The following ISG20 variants were observed in gnomAD, a reference collection of about 807,000 sequenced individuals.
ISG20 encodes the protein interferon-stimulated gene 20 kDa protein.
In ISG20, 8 loss-of-function variants were observed where a neutral mutation model predicts 11.1. The ratio of observed to expected loss-of-function variants is 0.72; its 90% confidence interval spans 0.42 to 1.30. The LOEUF (loss-of-function observed/expected upper bound fraction) is 1.30, where lower values mean the gene tolerates loss of function less well. Among genes scored for constraint, ISG20 ranks in the 50% most tolerant of loss-of-function variants. The probability of loss-of-function intolerance (pLI) is 0.01; values close to 1 mark genes in which losing one functional copy is unlikely to be tolerated. For synonymous variants in ISG20, 110 were observed against 101.7 expected, an observed-to-expected ratio of 1.08 and a Z score of -0.49; for missense variants, 243 against 250.2, an observed-to-expected ratio of 0.97 and a Z score of 0.19.
chr15:88,647,281 A>G (rs982658183), intron 2 of ISG20: 1 of 151,714 alleles, frequency 6.6e-6, no homozygotes, highest in Non-Finnish European at 1.5e-5. Flanking sequence ...ATGTGGCGAC[A>G]TTACTTTTAT....
In ISG20 at chr15:88,639,543, C is replaced by G. The variant is rs1423511424; in HGVS notation, c.177C>G (p.Val59=). ...ATTACAGAACCCGGGTCAGCGGGGT[C>G]ACCCCTCAGCACATGGTGGGGGCCA... ...ITDYRTRVSG[V]TPQHMVGATP... Residue 59 remains valine, a synonymous_variant, in exon 2 of 4, where the codon GTC becomes GTG. Coordinates refer to ENST00000306072, the MANE Select transcript of ISG20 (RefSeq NM_002201.6). This position sits in a 1 kb window ranked among gnomAD's most constrained non-coding sequence, Gnocchi z 4.2. 1 of 1,614,186 alleles carries G rather than the reference C, an allele frequency of 6.2e-7. No homozygotes were observed. The highest frequency in any genetic ancestry group is 8.5e-7 in the Non-Finnish European group (1 of 1,180,042).
intron 2 of ISG20, among the ~76,000 whole-genome samples, chr15:88,644,487 G>A (rs1483931865): frequency 3.4e-5 from 5 of 148,140 alleles, no homozygotes; most frequent in African/African-American, 5.0e-5. Flanking sequence ...AGCTGGGATC[G>A]TGCCACTGCA....
Position 88,641,059 on chromosome 15 carries a change from C to A in ISG20, c.228+1465C>A, listed in dbSNP as rs529339909. Among the ~76,000 whole-genome samples, 14 of 152,024 alleles carry A rather than the reference C, an allele frequency of 9.2e-5. No homozygotes were observed. In the South Asian group the frequency reaches 1.5e-3, roughly 16 times the overall value. ...CCAGGCTGGAGTGCAGTGACATGAT[C>A]TTGGCTCTCTGCAACCTCTGCCTCC... On this transcript the variant is annotated intron_variant, in intron 2 of 3. Transcript: ENST00000306072.
At chr15:88,638,177 G>A (rs1259864739), upstream of ISG20, among the ~76,000 whole-genome samples, 5 of 152,368 alleles carry the variant, frequency 3.3e-5, no homozygotes, top group East Asian at 9.6e-4. Flanking sequence ...TCTGGGGTAG[G>A]AGGCAAGCGT....
chr15:88,644,655 G>A (rs979007239), intron 2 of ISG20, among the ~76,000 whole-genome samples: 1 of 152,002 alleles, frequency 6.6e-6, no homozygotes, highest in Non-Finnish European at 1.5e-5. Flanking sequence ...AGGAAAGGAA[G>A]AAAACGTTTG....
At chr15:88,651,221 C>T (rs2058268314) in intron 2 of ISG20, 2 of 985,408 alleles carry the variant, frequency 2.0e-6, no homozygotes, top group Non-Finnish European at 1.2e-6. Context: ...TAAGCCTGGG[C>T]ATGTCACTCC....
At chr15:88,653,562 C>G (rs1238878464) in intron 3 of ISG20, among the ~76,000 whole-genome samples, 1 of 152,160 alleles carries the variant, frequency 6.6e-6, no homozygotes, top group Non-Finnish European at 1.5e-5. Flanking sequence ...GCCCTTGCCG[C>G]TCTGTGGCTC....
At chr15:88,652,995 C>T (rs1181883984) in intron 3 of ISG20, among the ~76,000 whole-genome samples, 1 of 151,856 alleles carries the variant, frequency 6.6e-6, no homozygotes, top group African/African-American at 2.4e-5. Context: ...GCAAAGCAGG[C>T]AGGAAAAGGC....
rs1303284714 is a variant in ISG20, at chr15:88,643,542, G to A, written c.228+3948G>A. ...AACATGGTGAAAACCCATCTCTACT[G>A]AAAATGCAAAAATTAGCCGGGTGTG... is the stretch of plus-strand genomic sequence containing the variant. On this transcript the variant is annotated intron_variant, in intron 2 of 3. Transcript: ENST00000306072. This position sits in a 1 kb window ranked among gnomAD's most constrained non-coding sequence, Gnocchi z 4.4. 6.6e-6 allele frequency among the ~76,000 whole-genome samples: 1 copy of A among 151,866 alleles called. No individual in the cohort carries two copies.
At chr15:88,651,704 G>A in intron 2 of ISG20, 1 of 811,858 alleles carries the variant, frequency 1.2e-6, no homozygotes, top group Non-Finnish European at 1.5e-6. Context: ...GCCAGGTAAT[G>A]CATTCACAGA....
chr15:88,650,945 G>A lies in ISG20; in HGVS notation c.229-1165G>A, dbSNP rs1213347075. The A allele has an allele frequency of 5.2e-5, 8 of 152,840 alleles. No homozygotes were observed. The highest frequency in any genetic ancestry group is 1.9e-4 in the African/African-American group (8 of 41,400). The allele number at this position is 152,840 out of a possible 1,614,324, so 9.5% of individuals were successfully genotyped here. A position where few individuals can be genotyped will look rare whatever the true frequency, so the allele number is the denominator to read the frequency against. ...CGCATGGGTAATTTTTGCATTTTTA[G>A]TAGAGACAGAGTCTCACCATGTTGG... On this transcript the variant is annotated intron_variant, in intron 2 of 3. Transcript: ENST00000306072. The surrounding 1 kb of genome is among the most constrained non-coding windows in gnomAD (Gnocchi z 4.0).
chr15:88,645,082 G>A (rs1197824664), intron 2 of ISG20, among the ~76,000 whole-genome samples: 1 of 152,228 alleles, frequency 6.6e-6, no homozygotes, highest in South Asian at 2.1e-4. Context: ...ACCCTGCTCA[G>A]ACTGGGCACT....
chr15:88,656,433 T>C lies in ISG20; in HGVS notation c.*902T>C, dbSNP rs2058375911. The C allele has an allele frequency of 6.6e-6, 1 of 151,918 alleles. No homozygotes were observed. Among genetic ancestry groups the C allele is most frequent in the Non-Finnish European group, 1.5e-5 (1 of 68,038 alleles). The allele number at this position is 151,918 out of a possible 1,614,324, so 9.4% of individuals were successfully genotyped here. ...AACGGCAGAATTCTTGTTATTTTAA[T>C]AATAATTAATAATTTAGTGCTTCCA... On this transcript the variant is annotated 3_prime_UTR_variant, in exon 4 of 4. Coordinates refer to ENST00000306072, the MANE Select transcript of ISG20 (RefSeq NM_002201.6).
chr15:88,637,921 T>A (rs1384963239), upstream of ISG20, among the ~76,000 whole-genome samples: 2 of 152,218 alleles, frequency 1.3e-5, no homozygotes, highest in Non-Finnish European at 2.9e-5. Context: ...AGTTGCTTAT[T>A]CAGGATGGGA....
intron 3 of ISG20, among the ~76,000 whole-genome samples, chr15:88,654,023 G>A (rs4932190): frequency 0.55 from 83,616 of 152,090 alleles, 24,414 homozygotes; most frequent in Non-Finnish European, 0.66. Flanking sequence ...GAGGCCCAGA[G>A]AGGAAAAGTG....
In ISG20 at chr15:88,639,687, C is replaced by T; in HGVS notation, c.228+93C>T. The T allele has an allele frequency of 2.1e-6, 2 of 961,130 alleles. No individual in the cohort carries two copies. Among genetic ancestry groups the T allele is most frequent in the Non-Finnish European group, 3.2e-6 (2 of 633,476 alleles). The allele number at this position is 961,130 out of a possible 1,614,324, so 59.5% of individuals were successfully genotyped here. On this transcript the variant is annotated intron_variant, in intron 2 of 3. Transcript: ENST00000306072. The surrounding 1 kb of genome is among the most constrained non-coding windows in gnomAD (Gnocchi z 4.2). ...CCTGGTGCCCATCTGTGACCTGTGA[C>T]CCCACTTGTAAGATTTCCCACACTG...
chr15:88,656,070 CAGAG>C lies in ISG20; in HGVS notation c.*543_*546del, dbSNP rs1187234434. On this transcript the variant is annotated 3_prime_UTR_variant, in exon 4 of 4. Coordinates refer to ENST00000306072, the MANE Select transcript of ISG20 (RefSeq NM_002201.6). The stretch of plus-strand genomic sequence containing the variant: ...AAGGAAAGGTAACAAACTGTGGAGT[CAGAG>C]AGAAGTAGGTTGGAATCCTCTTTGT... 1 of 152,340 alleles carries C rather than the reference CAGAG, an allele frequency of 6.6e-6. No homozygotes were observed. Among genetic ancestry groups the C allele is most frequent in the African/African-American group, 2.4e-5 (1 of 41,432 alleles). The allele number at this position is 152,340 out of a possible 1,614,324, so 9.4% of individuals were successfully genotyped here.
upstream of ISG20, chr15:88,636,409 T>G (rs1202276944): frequency 6.6e-6 from 1 of 152,216 alleles, no homozygotes; most frequent in Non-Finnish European, 1.5e-5. Flanking sequence ...ACAGTTCAGC[T>G]GGACCCAGGC....
chr15:88,649,742 C>T (rs568978216), intron 2 of ISG20: 1 of 161,314 alleles, frequency 6.2e-6, no homozygotes, highest in South Asian at 1.7e-4. Flanking sequence ...TCCCAGGTGA[C>T]CTCTAGCACA....
Sources: gnomAD v4.1 joint callset for allele counts (sites outside exome capture counted in the v4.1 genomes callset) on GRCh38, gnomAD v4.1.1 for gene constraint, Gnocchi (gnomAD v3.1) non-coding constraint, MANE v1.5 for transcripts, NCBI Gene and HGNC (gene_info 2026-07-23, HGNC 2026-07-21) for gene names.